The following ACCSL variants were observed in gnomAD, a reference collection of about 807,000 sequenced individuals.
ACCSL encodes 1-aminocyclopropane-1-carboxylate synthase homolog (inactive) like.
ACCSL carries 55 observed loss-of-function variants against 61.7 expected under a neutral mutation model. That is an observed-to-expected ratio of 0.89 (90% CI 0.72 to 1.12). The LOEUF is 1.12. ACCSL is among the 50% of genes most tolerant of loss of function. The probability of loss-of-function intolerance (pLI) is 0.00; values close to 1 mark genes in which losing one functional copy is unlikely to be tolerated. For missense variants in ACCSL, 632 were observed against 698.0 expected (o/e 0.91, Z 1.07); for synonymous variants, 258 against 264.3 (o/e 0.98, Z 0.23).
chr11:44,033,463 T>C, the ACCSL span, among the ~76,000 whole-genome samples: 3 of 152,234 alleles, frequency 2.0e-5, no homozygotes, highest in Admixed American at 6.5e-5. Context: ...CAAAGCCAGA[T>C]AGCAACCCCT....
chr11:44,050,834 T>C (rs1952632695), intron 3 of ACCSL, among the ~76,000 whole-genome samples: 2 of 148,700 alleles, frequency 1.3e-5, no homozygotes, highest in Admixed American at 1.3e-4. Context: ...TCAAAAGGCC[T>C]GAGTTCTTTT....
the ACCSL span, among the ~76,000 whole-genome samples, chr11:43,979,487 A>C: frequency 1.3e-5 from 2 of 152,124 alleles, no homozygotes; most frequent in African/African-American, 4.8e-5. Context: ...ATTCATAGAG[A>C]GTTTAGACCA....
At chr11:43,931,372 G>A in the ACCSL span, among the ~76,000 whole-genome samples, 1 of 152,188 alleles carries the variant, frequency 6.6e-6, no homozygotes, top group East Asian at 1.9e-4. Context: ...AAAATGGTTG[G>A]GATTTAGAGT....
chr11:44,049,378 C>G (rs1453541680), intron 1 of ACCSL, among the ~76,000 whole-genome samples: 1 of 145,426 alleles, frequency 6.9e-6, no homozygotes, highest in African/African-American at 2.6e-5. Context: ...TGAGATCGCG[C>G]CACTGCACTC....
rs775097461 is a variant in ACCSL at position 44,051,388 on chromosome 11, G to A, written c.689G>A (p.Arg230Gln). ...ACCTACTACTGCAGGGCACCTACCCGACTTGACCCAGAAAATGTGAGTCAG... is the reference window on the plus strand; with the variant it reads ...ACCTACTACTGCAGGGCACCTACCCAACTTGACCCAGAAAATGTGAGTCAG... ...FLTYYCRAPT[R>Q]LDPENVVVLN... Residue 230 changes from arginine to glutamine, a missense_variant, in exon 4 of 14, where the codon CGA becomes CAA. Arg to Gln is a conservative substitution (Grantham distance 43). Coordinates refer to ENST00000378832, the MANE Select transcript of ACCSL (RefSeq NM_001031854.2). 13 of 1,614,164 alleles carry A rather than the reference G, an allele frequency of 8.1e-6. No individual in the cohort carries two copies. Among genetic ancestry groups the A allele is most frequent in the South Asian group, 2.2e-5 (2 of 91,076 alleles).
chr11:43,953,568 T>TACCAAA, the ACCSL span, among the ~76,000 whole-genome samples: 8 of 145,796 alleles, frequency 5.5e-5, no homozygotes, highest in Non-Finnish European at 9.1e-5. Context: ...GGCCAAAACC[T>TACCAAA]ACCAAAACCA....
At chr11:44,047,507 G>A (rs529811207), upstream of ACCSL, among the ~76,000 whole-genome samples, 1 of 152,276 alleles carries the variant, frequency 6.6e-6, no homozygotes, top group Non-Finnish European at 1.5e-5. Context: ...CACAAAAGCA[G>A]CCATAATCAA....
At chr11:43,974,330 C>T in the ACCSL span, among the ~76,000 whole-genome samples, 4 of 152,270 alleles carry the variant, frequency 2.6e-5, no homozygotes, top group Admixed American at 6.5e-5. Flanking sequence ...GCTAGCAATC[C>T]TTGGCATTCC....
At chr11:43,996,937 C>T in the ACCSL span, among the ~76,000 whole-genome samples, 3 of 151,898 alleles carry the variant, frequency 2.0e-5, no homozygotes, top group East Asian at 3.9e-4. Context: ...CTCAACCTCC[C>T]AAATAGCTGG....
chr11:43,987,387 T>C, the ACCSL span, among the ~76,000 whole-genome samples: 1 of 152,148 alleles, frequency 6.6e-6, no homozygotes, highest in Non-Finnish European at 1.5e-5. Flanking sequence ...GACTCCTCCT[T>C]TCAGAAACGG....
the ACCSL span, among the ~76,000 whole-genome samples, chr11:44,021,623 TAA>T: frequency 6.6e-6 from 1 of 152,200 alleles, no homozygotes; most frequent in African/African-American, 2.4e-5. Flanking sequence ...TTAGTTTAAT[TAA>T]GTCTCATCTA....
intron 11 of ACCSL, among the ~76,000 whole-genome samples, chr11:44,057,343 T>C (rs1952677571): frequency 6.6e-6 from 1 of 152,240 alleles, no homozygotes; most frequent in African/African-American, 2.4e-5. Flanking sequence ...AACAATTTGC[T>C]TTCAGCTCTG....
chr11:43,940,662 A>C, the ACCSL span, among the ~76,000 whole-genome samples: 2 of 152,078 alleles, frequency 1.3e-5, no homozygotes, highest in Non-Finnish European at 2.9e-5. Flanking sequence ...ACCCGGCTGA[A>C]ATTCTAACTT....
upstream of ACCSL, among the ~76,000 whole-genome samples, chr11:44,043,855 T>C (rs1952586536): frequency 6.6e-6 from 1 of 152,216 alleles, no homozygotes; most frequent in South Asian, 2.1e-4. Flanking sequence ...CCTTCAAATC[T>C]GTTATTTTAA....
chr11:43,968,818 G>A, the ACCSL span, among the ~76,000 whole-genome samples: 1 of 152,270 alleles, frequency 6.6e-6, no homozygotes, highest in South Asian at 2.1e-4. Context: ...TCAGCTTTGT[G>A]CAGGAAGTAG....
the ACCSL span, among the ~76,000 whole-genome samples, chr11:44,020,546 C>G: frequency 1.3e-5 from 2 of 151,854 alleles, no homozygotes; most frequent in African/African-American, 4.8e-5. Flanking sequence ...TGGATTCTGT[C>G]AAATGTTTTT....
chr11:44,021,378 G>C, the ACCSL span, among the ~76,000 whole-genome samples: 1 of 152,126 alleles, frequency 6.6e-6, no homozygotes, highest in Admixed American at 6.5e-5. Flanking sequence ...TAGTGATGTT[G>C]AGCATTTTTC....
At chr11:43,985,853 A>G in the ACCSL span, among the ~76,000 whole-genome samples, 1 of 152,146 alleles carries the variant, frequency 6.6e-6, no homozygotes, top group Non-Finnish European at 1.5e-5. Flanking sequence ...CCTGGCCAAC[A>G]TGACGAAAAC....
At chr11:44,034,341 C>T in the ACCSL span, among the ~76,000 whole-genome samples, 1 of 152,182 alleles carries the variant, frequency 6.6e-6, no homozygotes, top group Admixed American at 6.5e-5. Context: ...CCTGGCTGAG[C>T]ATATTGCTCT....
Sources: gnomAD v4.1 joint callset for allele counts (sites outside exome capture counted in the v4.1 genomes callset) on GRCh38, gnomAD v4.1.1 for gene constraint, MANE v1.5 for transcripts, NCBI Gene and HGNC (gene_info 2026-07-23, HGNC 2026-07-21) for gene names.